The following SEMA3A variants were observed in gnomAD, a reference collection of about 807,000 sequenced individuals.
SEMA3A encodes semaphorin-3A.
A neutral mutation model predicts 97.9 loss-of-function variants in SEMA3A; 29 were observed. That is an observed-to-expected ratio of 0.30 (90% CI 0.22 to 0.40). SEMA3A has a LOEUF of 0.40. Ranked by LOEUF, SEMA3A falls within the 10% of genes least tolerant of loss-of-function variation. The probability of loss-of-function intolerance (pLI) is 1.00; values close to 1 mark genes in which losing one functional copy is unlikely to be tolerated. For synonymous variants in SEMA3A, 321 were observed against 323.7 expected (o/e 0.99, Z 0.09); for missense variants, 763 against 951.3 (o/e 0.80, Z 2.60).
At chr7:84,401,142 T>C (rs988075565) in intron 1 of SEMA3A, among the ~76,000 whole-genome samples, 5 of 152,150 alleles carry the variant, frequency 3.3e-5, no homozygotes, top group East Asian at 1.9e-4. Flanking sequence ...AAAAAGACTG[T>C]TATGGCTGAT....
chr7:84,328,124 G>T (rs1471232430), intron 2 of SEMA3A, among the ~76,000 whole-genome samples: 1 of 151,874 alleles, frequency 6.6e-6, no homozygotes, highest in African/African-American at 2.4e-5. Flanking sequence ...AAATAAGTTT[G>T]CTTGTAAATT....
intron 1 of SEMA3A, among the ~76,000 whole-genome samples, chr7:84,469,014 A>T (rs1806076281): frequency 6.6e-6 from 1 of 152,078 alleles, no homozygotes; most frequent in African/African-American, 2.4e-5. Context: ...ATGTAAAGAA[A>T]TTTTTTGATC....
At chr7:84,188,654 T>C (rs958442794) in intron 1 of SEMA3A, among the ~76,000 whole-genome samples, 7 of 151,946 alleles carry the variant, frequency 4.6e-5, no homozygotes, top group African/African-American at 1.7e-4. Flanking sequence ...ACTTAATATA[T>C]ACAGGCACAT....
At position 83,961,900 on chromosome 7, in the gene SEMA3A, G is replaced by A. The variant is rs930003734; in HGVS notation, c.1861-74C>T. ...ATAGAAGCTCTGAAACTCCGTGTCT[G>A]TAAAACTTTAGATTATGTGTTGAGG... On this transcript the variant is annotated intron_variant, in intron 16 of 16. Coordinates refer to ENST00000265362, the MANE Select transcript of SEMA3A (RefSeq NM_006080.3). 21 of 1,174,588 alleles carry A rather than the reference G, an allele frequency of 1.8e-5. No homozygotes were observed. In the Admixed American group the frequency reaches 2.3e-4, roughly 13 times the overall value. The allele number at this position is 1,174,588 out of a possible 1,614,324, so 72.8% of individuals were successfully genotyped here. A position where few individuals can be genotyped will look rare whatever the true frequency, so the allele number is the denominator to read the frequency against.
At chr7:84,368,537 T>C (rs1004140124) in intron 2 of SEMA3A, among the ~76,000 whole-genome samples, 41 of 151,050 alleles carry the variant, frequency 2.7e-4, no homozygotes, top group African/African-American at 8.2e-4. Context: ...ATGTACTGTA[T>C]AATGTATTTA....
chr7:84,031,131 T>A (rs1414723168), intron 6 of SEMA3A, among the ~76,000 whole-genome samples: 2 of 151,804 alleles, frequency 1.3e-5, no homozygotes, highest in Admixed American at 6.6e-5. Context: ...TAGCTGGGAC[T>A]ACAGGTGTGT....
chr7:83,989,439 G>A (rs1789790429), intron 12 of SEMA3A, among the ~76,000 whole-genome samples: 1 of 141,838 alleles, frequency 7.1e-6, no homozygotes, highest in African/African-American at 2.6e-5. Context: ...CTAGCATTAG[G>A]TATATCTCCC....
chr7:83,998,691 A>C (rs1790316689), intron 12 of SEMA3A, among the ~76,000 whole-genome samples: 1 of 151,894 alleles, frequency 6.6e-6, no homozygotes, highest in Admixed American at 6.5e-5. Context: ...AAAAACATTT[A>C]GCTTAAAACA....
chr7:84,186,973 T>A (rs1297189577), intron 1 of SEMA3A, among the ~76,000 whole-genome samples: 1 of 152,056 alleles, frequency 6.6e-6, no homozygotes, highest in Non-Finnish European at 1.5e-5. Flanking sequence ...CTCTCTTGAG[T>A]AAGTCTGAGG....
At chr7:84,320,264 G>A (rs1420988107) in intron 2 of SEMA3A, among the ~76,000 whole-genome samples, 1 of 151,848 alleles carries the variant, frequency 6.6e-6, no homozygotes, top group Non-Finnish European at 1.5e-5. Flanking sequence ...TTTTGTCTCT[G>A]GGTATTATAA....
At chr7:84,492,208 A>T (rs1417300782) in intron 1 of SEMA3A, among the ~76,000 whole-genome samples, 1 of 152,094 alleles carries the variant, frequency 6.6e-6, no homozygotes, top group Non-Finnish European at 1.5e-5. Flanking sequence ...AAAATACAGG[A>T]TTGAATTAAC....
At chr7:84,256,314 G>A (rs1221353910) in intron 3 of SEMA3A, among the ~76,000 whole-genome samples, 7 of 151,946 alleles carry the variant, frequency 4.6e-5, no homozygotes, top group Non-Finnish European at 8.8e-5. Flanking sequence ...TAAAAGTAAT[G>A]ATTTGTCTCT....
rs1554351594 is a variant in SEMA3A at position 84,249,404 on chromosome 7, T to TATCTATCTATCTA, written c.-82-54749_-82-54737dup. ...CTATCTATCTATCTATCTATCTATC[T>TATCTATCTATCTA]ATCTATCTATCTATCATCTACATAT... On this transcript the variant is annotated intron_variant, in intron 3 of 3. Coordinates refer to the SEMA3A transcript ENST00000424555. Among the ~76,000 whole-genome samples the TATCTATCTATCTA allele has an allele frequency of 4.6e-5, 7 of 152,068 alleles. 1 individual carries two copies. The highest frequency in any genetic ancestry group is 4.4e-5 in the Non-Finnish European group (3 of 67,978).
intron 3 of SEMA3A, among the ~76,000 whole-genome samples, chr7:84,255,834 T>C (rs943953070): frequency 1.3e-5 from 2 of 151,752 alleles, no homozygotes; most frequent in Non-Finnish European, 2.9e-5. Context: ...AATTGCCAAC[T>C]GAAAAAACAG....
At chr7:83,985,348 C>G in intron 13 of SEMA3A, 88 bp downstream of exon 13, 1 of 911,176 alleles carries the variant, frequency 1.1e-6, no homozygotes, top group Non-Finnish European at 1.7e-6. Flanking sequence ...GTTAACAAAT[C>G]TGTGAAATTT....
rs1163640878 is a variant in SEMA3A at position 83,987,834 on chromosome 7, T to C, written c.1453-2357A>G. ...AGCTGGCATTTCTTCAAAAATAATT[T>C]AGAATAGTCTACACTCACTGCTTTT... is the stretch of plus-strand genomic sequence containing the variant. On this transcript the variant is annotated intron_variant, in intron 12 of 16. Coordinates refer to ENST00000265362, the MANE Select transcript of SEMA3A (RefSeq NM_006080.3). Among the ~76,000 whole-genome samples the C allele has an allele frequency of 2.6e-5, 4 of 152,204 alleles. No individual in the cohort carries two copies. In the South Asian group the frequency reaches 6.2e-4, roughly 24 times the overall value.
chr7:84,405,294 A>G (rs1306498674), intron 1 of SEMA3A, among the ~76,000 whole-genome samples: 1 of 152,226 alleles, frequency 6.6e-6, no homozygotes, highest in Non-Finnish European at 1.5e-5. Flanking sequence ...AAAAGAGACA[A>G]AGAAGGCCAT....
intron 6 of SEMA3A, among the ~76,000 whole-genome samples, chr7:84,034,776 C>A (rs911338413): frequency 2.5e-5 from 3 of 118,466 alleles, no homozygotes; most frequent in African/African-American, 6.2e-5. Flanking sequence ...AATCCTATTT[C>A]CTGTTTTTTT....
At chr7:84,374,704 T>C (rs1803055885) in intron 1 of SEMA3A, among the ~76,000 whole-genome samples, 1 of 152,214 alleles carries the variant, frequency 6.6e-6, no homozygotes, top group Non-Finnish European at 1.5e-5. Flanking sequence ...TGGACTTAGA[T>C]GTAAAAATGG....
Sources: allele counts gnomAD v4.1 joint callset (sites outside exome capture counted in the v4.1 genomes callset), GRCh38; gene constraint gnomAD v4.1.1; transcripts MANE v1.5; gene names NCBI Gene and HGNC (gene_info 2026-07-23, HGNC 2026-07-21).